UCKL1: variants seen among roughly 807,000 people sequenced by gnomAD.
UCKL1 encodes the protein uridine-cytidine kinase-like 1.
Under a neutral mutation model 59.2 loss-of-function variants are expected in UCKL1, and 65 were observed. The ratio of observed to expected loss-of-function variants is 1.10; its 90% confidence interval spans 0.90 to 1.35. The LOEUF is 1.35. Among genes scored for constraint, UCKL1 ranks in the 40% most tolerant of loss-of-function variants. UCKL1 has a pLI of 0.00. For synonymous variants in UCKL1, 410 were observed against 323.1 expected (o/e 1.27, Z -2.88); for missense variants, 703 against 784.3 (o/e 0.90, Z 1.24).
intron 5 of UCKL1, among the ~76,000 whole-genome samples, chr20:63,945,397 G>A (rs1467785190): frequency 6.6e-6 from 1 of 152,244 alleles, no homozygotes; most frequent in Non-Finnish European, 1.5e-5. Context: ...GAACGCCAAG[G>A]ACACTCCAGG....
chr20:63,941,335 G>C, intron 8 of UCKL1, 127 bp from the exon 9 acceptor site: 2 of 1,386,122 alleles, frequency 1.4e-6, no homozygotes, highest in East Asian at 2.6e-5. Flanking sequence ...GGTGCAGAGC[G>C]GGCCTGACTT....
At chr20:63,943,582 GC>G in intron 8 of UCKL1, 70 bp downstream of exon 8, 1 of 1,608,436 alleles carries the variant, frequency 6.2e-7, no homozygotes, top group Non-Finnish European at 8.5e-7. Context: ...CTGGATCACA[GC>G]CCAGACCCCA....
At chr20:63,944,240 T>G (rs768507137) in intron 7 of UCKL1, among the ~76,000 whole-genome samples, 157 bp downstream of exon 7, 12 of 152,158 alleles carry the variant, frequency 7.9e-5, no homozygotes, top group Non-Finnish European at 1.5e-4. Context: ...CTGGACAATC[T>G]GACTGGCCAA....
rs745718142 is a variant in UCKL1, at chr20:63,940,751, C to G, written c.1180-35G>C. 28 of 1,605,320 alleles carry G rather than the reference C, an allele frequency of 1.7e-5. No individual in the cohort carries two copies. In the African/African-American group the frequency reaches 3.6e-4, roughly 21 times the overall value. ...GGGGAGGCTAAGCGCCCACATCCCG[C>G]CCCAGCAGCCTGTCCCGCGCCCAGG... On this transcript the variant is annotated intron_variant, in intron 11 of 14. Transcript: ENST00000354216.
intron 5 of UCKL1, 61 bp from the exon 6 acceptor site, chr20:63,944,795 G>A (rs2055692598): frequency 2.5e-6 from 4 of 1,586,442 alleles, no homozygotes; most frequent in Non-Finnish European, 2.6e-6. Flanking sequence ...GAGACACTGG[G>A]ACCAGCCCCT....
Position 63,945,995 on chromosome 20 carries a change from A to G in UCKL1, c.412-20T>C, listed in dbSNP as rs1360235481. 1.2e-6 allele frequency: 2 copies of G among 1,613,286 alleles called. No homozygotes were observed. Among genetic ancestry groups the G allele is most frequent in the Non-Finnish European group, 1.7e-6 (2 of 1,179,894 alleles). On this transcript the variant is annotated intron_variant, in intron 3 of 14. Coordinates refer to ENST00000354216, the MANE Select transcript of UCKL1 (RefSeq NM_017859.4). ...CAGCACCTGGTGGGGGAGGCTGTGG[A>G]GCAGCTGTGGGCACAGTAGGGCCCT...
At chr20:63,940,107 C>T in intron 14 of UCKL1, 43 bp downstream of exon 14, 1 of 1,611,926 alleles carries the variant, frequency 6.2e-7, no homozygotes, top group Non-Finnish European at 8.5e-7. Context: ...CAGGGCCACC[C>T]ACCCTGCCCT....
intron 6 of UCKL1, 38 bp downstream of exon 6, chr20:63,944,507 G>C: frequency 6.3e-7 from 1 of 1,590,954 alleles, no homozygotes; most frequent in East Asian, 2.3e-5. Flanking sequence ...CCGTTGGCCT[G>C]CCCGACACCC....
intron 1 of UCKL1, among the ~76,000 whole-genome samples, chr20:63,947,915 G>T (rs2056677421): frequency 6.6e-6 from 1 of 152,242 alleles, no homozygotes. Context: ...CCTCAAGTGG[G>T]CAGGGGGCCG....
chr20:63,945,779 G>A (rs375863655), intron 4 of UCKL1, 26 bp downstream of exon 4: 5 of 1,612,894 alleles, frequency 3.1e-6, no homozygotes, highest in African/African-American at 2.7e-5. Flanking sequence ...GCCCCCCGAG[G>A]CCCCCTCTGC....
chr20:63,946,456 T>G lies in UCKL1; in HGVS notation c.301A>C (p.Ile101Leu). ...CCCACCCCCCCGCTGCTCTCACCGA[T>G]GGCGAAGGCCTCTTTGGATTGCGTG... The part of the protein sequence containing the change: ...HGTQSKEAFA[I>L]GLGGGSASGK... The change falls in exon 2 of 15, where the codon ATC (isoleucine) becomes CTC (leucine). Residue 101 changes from isoleucine to leucine, a missense_variant. Physicochemically the swap from Ile to Leu is conservative, Grantham distance 5. Transcript: ENST00000354216. The G allele has an allele frequency of 6.4e-7, 1 of 1,558,352 alleles. No individual in the cohort carries two copies. Among genetic ancestry groups the G allele is most frequent in the Non-Finnish European group, 8.7e-7 (1 of 1,150,894 alleles).
chr20:63,943,465 C>T (rs556318118), intron 8 of UCKL1, among the ~76,000 whole-genome samples, 188 bp downstream of exon 8: 1 of 152,224 alleles, frequency 6.6e-6, no homozygotes, highest in Admixed American at 6.5e-5. Flanking sequence ...AGCTACTTCA[C>T]GTCTCTGTGC....
Position 63,956,388 on chromosome 20 carries a change from CTT to C in UCKL1, c.-18_-17del, listed in dbSNP as rs895933174. On this transcript the variant is annotated 5_prime_UTR_variant, in exon 1 of 15. Transcript: ENST00000354216. ...GCGCAGCCATGGCGCTCGGAGGCCTCTTTGCGGGCCTGGCCGGGCGGCGCGCA... is the reference window on the plus strand; with the variant it reads ...GCGCAGCCATGGCGCTCGGAGGCCTCTGCGGGCCTGGCCGGGCGGCGCGCA... The C allele has an allele frequency of 2.8e-6, 4 of 1,444,082 alleles. No homozygotes were observed. The African/African-American group carries it at 5.9e-5, about 21-fold the overall frequency. 89.5% of individuals were successfully genotyped at this position (1,444,082 alleles called of 1,614,324 possible). A position where few individuals can be genotyped will look rare whatever the true frequency, so the allele number is the denominator to read the frequency against.
intron 1 of UCKL1, among the ~76,000 whole-genome samples, chr20:63,946,985 G>A (rs538339794): frequency 6.6e-6 from 1 of 152,200 alleles, no homozygotes; most frequent in South Asian, 2.1e-4. Context: ...TAGGGAGGCT[G>A]AGGCAGGAGA....
In UCKL1 at chr20:63,944,381, G is replaced by T. The variant is rs1313961846; in HGVS notation, c.906+16C>A. The T allele has an allele frequency of 2.6e-6, 4 of 1,549,768 alleles. No homozygotes were observed. The highest frequency in any genetic ancestry group is 1.9e-5 in the Admixed American group (1 of 51,514). ...GGGCTGGGGGCTAGGCCGTGGGGAC[G>T]TGGGACCCCGCTCACCTCCTCCAGC... On this transcript the variant is annotated intron_variant, in intron 7 of 14. Coordinates refer to ENST00000354216, the MANE Select transcript of UCKL1 (RefSeq NM_017859.4).
At chr20:63,941,503 A>G in intron 8 of UCKL1, 1 of 438,612 alleles carries the variant, frequency 2.3e-6, no homozygotes, top group Non-Finnish European at 4.4e-6. Context: ...TCCTGCGCTA[A>G]GAGGAAGCAG....
chr20:63,948,566 T>A (rs1382005653), intron 1 of UCKL1: 2 of 75,464 alleles, frequency 2.7e-5, no homozygotes, highest in Admixed American at 1.5e-4. Flanking sequence ...GAGGCGTGTG[T>A]GAGAGGGAGG....
chr20:63,949,614 C>T (rs926348695), intron 1 of UCKL1, among the ~76,000 whole-genome samples: 1 of 152,210 alleles, frequency 6.6e-6, no homozygotes, highest in Non-Finnish European at 1.5e-5. Flanking sequence ...GGTTCAGCAG[C>T]AGGTTCCCAG....
chr20:63,950,831 G>A (rs1180884301), intron 1 of UCKL1: 10 of 1,521,126 alleles, frequency 6.6e-6, no homozygotes, highest in Admixed American at 6.5e-5. Flanking sequence ...GCTCATGGTC[G>A]AGGACACGGG....
Sources: allele counts gnomAD v4.1 joint callset (sites outside exome capture counted in the v4.1 genomes callset), GRCh38; gene constraint gnomAD v4.1.1; transcripts MANE v1.5; gene names NCBI Gene and HGNC (gene_info 2026-07-23, HGNC 2026-07-21).